The following NECTIN3 variants were observed in gnomAD, a reference collection of about 807,000 sequenced individuals.
The protein encoded by NECTIN3 is nectin-3.
NECTIN3 carries 8 observed loss-of-function variants against 49.4 expected under a neutral mutation model. That is an observed-to-expected ratio of 0.16 (90% CI 0.10 to 0.29). The LOEUF (loss-of-function observed/expected upper bound fraction) is 0.29, where lower values mean the gene tolerates loss of function less well. Among genes scored for constraint, NECTIN3 ranks in the 10% least tolerant of loss-of-function variants. NECTIN3 has a pLI of 1.00. For missense variants in NECTIN3, 581 were observed against 654.6 expected (o/e 0.89, Z 1.23); for synonymous variants, 277 against 241.1 (o/e 1.15, Z -1.38).
intron 7 of NECTIN3, among the ~76,000 whole-genome samples, chr3:111,179,114 C>G (rs2035583444): frequency 6.6e-6 from 1 of 152,198 alleles, no homozygotes. Context: ...CTAAGCTAAG[C>G]CTAATGCTGT....
intron 1 of NECTIN3, chr3:111,073,426 C>T (rs2030945460): frequency 6.6e-6 from 1 of 152,238 alleles, no homozygotes; most frequent in African/African-American, 2.4e-5. Context: ...TGAGAATTTC[C>T]ACTGACAGTT....
chr3:111,091,410 C>G (rs1227387991), intron 1 of NECTIN3, among the ~76,000 whole-genome samples: 1 of 152,018 alleles, frequency 6.6e-6, no homozygotes, highest in Non-Finnish European at 1.5e-5. Context: ...GCCCACTATG[C>G]CCGGCTAATT....
intron 7 of NECTIN3, among the ~76,000 whole-genome samples, chr3:111,160,335 A>G (rs2035183968): frequency 1.3e-5 from 2 of 152,082 alleles, no homozygotes; most frequent in South Asian, 2.1e-4. Flanking sequence ...TCTCCCTTAA[A>G]TTTAACCTTT....
chr3:111,087,254 A>AT (rs2031985116), intron 1 of NECTIN3, among the ~76,000 whole-genome samples: 1 of 152,108 alleles, frequency 6.6e-6, no homozygotes, highest in Non-Finnish European at 1.5e-5. Flanking sequence ...ATCCAGTGTG[A>AT]TATTAAAGTG....
intron 7 of NECTIN3, among the ~76,000 whole-genome samples, chr3:111,184,480 A>G (rs2035684362): frequency 6.6e-6 from 1 of 152,074 alleles, no homozygotes; most frequent in African/African-American, 2.4e-5. Flanking sequence ...TCTGCTTTCC[A>G]CGGTAGAATG....
At chr3:111,075,868 A>C (rs901862406) in intron 1 of NECTIN3, among the ~76,000 whole-genome samples, 1 of 152,118 alleles carries the variant, frequency 6.6e-6, no homozygotes, top group African/African-American at 2.4e-5. Context: ...TAGTGATCAT[A>C]CTGAAGATAG....
chr3:111,075,601 A>C (rs964200202), intron 1 of NECTIN3, among the ~76,000 whole-genome samples: 24 of 152,134 alleles, frequency 1.6e-4, no homozygotes, highest in African/African-American at 5.8e-4. Context: ...TAAATTCTAC[A>C]CCAATGTGCT....
chr3:111,075,677 C>T (rs2031137504), intron 1 of NECTIN3, among the ~76,000 whole-genome samples: 1 of 151,878 alleles, frequency 6.6e-6, no homozygotes. Flanking sequence ...GAGTCTTAGC[C>T]CAGTGATCTT....
At chr3:111,162,067 G>T (rs2035223315) in intron 7 of NECTIN3, among the ~76,000 whole-genome samples, 1 of 151,858 alleles carries the variant, frequency 6.6e-6, no homozygotes. Context: ...AACCCCTTAG[G>T]ATCCCTTTCC....
chr3:111,193,310 C>A, intron 1 of NECTIN3: 3 of 1,535,808 alleles, frequency 2.0e-6, no homozygotes, highest in Non-Finnish European at 2.6e-6. Context: ...AAGACCGGAG[C>A]CCTGGCAAAC....
chr3:111,129,954 AT>A (rs547491944), intron 5 of NECTIN3, among the ~76,000 whole-genome samples: 4,350 of 131,558 alleles, frequency 0.033, 158 homozygotes, highest in East Asian at 0.23. Flanking sequence ...CCAGCAGAGA[AT>A]TTTTTTTTTT....
chr3:111,122,024 A>G, intron 3 of NECTIN3, 97 bp from the exon 4 acceptor site: 1 of 835,416 alleles, frequency 1.2e-6, no homozygotes, highest in Non-Finnish European at 1.9e-6. Flanking sequence ...GGTTCCTGTT[A>G]TTCTAAGGCT....
At chr3:111,127,263 T>C (rs973614182) in intron 5 of NECTIN3, among the ~76,000 whole-genome samples, 2 of 152,174 alleles carry the variant, frequency 1.3e-5, no homozygotes, top group African/African-American at 2.4e-5. Flanking sequence ...TTAAGTGTTA[T>C]ATTCTCAGTC....
At chr3:111,119,543 G>A (rs1416973520) in intron 3 of NECTIN3, among the ~76,000 whole-genome samples, 1 of 152,186 alleles carries the variant, frequency 6.6e-6, no homozygotes, top group East Asian at 1.9e-4. Flanking sequence ...TGTTGGCCAG[G>A]ATGGTCTCCA....
intron 7 of NECTIN3, among the ~76,000 whole-genome samples, chr3:111,161,498 T>C (rs1015254579): frequency 5.3e-5 from 8 of 152,148 alleles, no homozygotes; most frequent in African/African-American, 1.9e-4. Context: ...TATTGGTCTG[T>C]GGCTTGTTAG....
chr3:111,143,974 A>G (rs1032704772), intron 5 of NECTIN3, among the ~76,000 whole-genome samples: 4 of 152,080 alleles, frequency 2.6e-5, no homozygotes, highest in African/African-American at 7.2e-5. Context: ...TAATTCACAA[A>G]TTCCACAAAA....
chr3:111,192,289 T>C (rs1400608782), upstream of NECTIN3: 2 of 1,385,700 alleles, frequency 1.4e-6, no homozygotes, highest in Non-Finnish European at 2.0e-6. Flanking sequence ...AATAGGAATC[T>C]TAGTGGTTGA....
chr3:111,133,081 G>A (rs902490798), intron 5 of NECTIN3, among the ~76,000 whole-genome samples: 3 of 151,402 alleles, frequency 2.0e-5, no homozygotes, highest in Non-Finnish European at 3.0e-5. Flanking sequence ...CTTATACTAT[G>A]CCCACTTAAC....
At chr3:111,192,302 T>C (rs1469576794), upstream of NECTIN3, 2 of 1,447,088 alleles carry the variant, frequency 1.4e-6, no homozygotes, top group African/African-American at 1.4e-5. Context: ...GTGGTTGATA[T>C]GTTTTGCCAT....
Sources: gnomAD v4.1 joint callset for allele counts (sites outside exome capture counted in the v4.1 genomes callset) on GRCh38, gnomAD v4.1.1 for gene constraint, MANE v1.5 for transcripts, NCBI Gene and HGNC (gene_info 2026-07-23, HGNC 2026-07-21) for gene names.